Variants in EPHB1 observed in about 807,000 individuals in gnomAD.
EPHB1 encodes the protein ephrin type-B receptor 1.
In EPHB1, 30 loss-of-function variants were observed where a neutral mutation model predicts 94.4. That is an observed-to-expected ratio of 0.32 (90% CI 0.24 to 0.43). The LOEUF is 0.43. Ranked by LOEUF, EPHB1 falls within the 20% of genes least tolerant of loss-of-function variation. The pLI, the probability that EPHB1 is intolerant of heterozygous loss-of-function variation, is 1.00. For missense variants in EPHB1, 1,055 were observed against 1,308.3 expected (o/e 0.81, Z 2.99); for synonymous variants, 522 against 489.1 (o/e 1.07, Z -0.89).
At chr3:135,247,143 TAAA>T (rs1404771500) in intron 13 of EPHB1, among the ~76,000 whole-genome samples, 1 of 152,130 alleles carries the variant, frequency 6.6e-6, no homozygotes, top group African/African-American at 2.4e-5. Context: ...TTATAGAAAA[TAAA>T]AAATTCAAAC....
At chr3:134,943,086 C>T (rs1250992166) in intron 2 of EPHB1, among the ~76,000 whole-genome samples, 1 of 152,174 alleles carries the variant, frequency 6.6e-6, no homozygotes, top group Non-Finnish European at 1.5e-5. Flanking sequence ...AAAGAGAATC[C>T]AGCCCTGCCA....
intron 3 of EPHB1, among the ~76,000 whole-genome samples, chr3:134,961,285 G>A (rs1415937545): frequency 1.3e-5 from 2 of 152,082 alleles, no homozygotes; most frequent in Non-Finnish European, 2.9e-5. Context: ...GGCCACATCC[G>A]GCTAGATAAA....
intron 3 of EPHB1, among the ~76,000 whole-genome samples, chr3:135,035,062 T>C (rs1033947871): frequency 6.6e-6 from 1 of 152,178 alleles, no homozygotes; most frequent in African/African-American, 2.4e-5. Context: ...TGCCAGCTCA[T>C]AGTCATTTCT....
At chr3:135,013,404 T>C (rs886616357) in intron 3 of EPHB1, among the ~76,000 whole-genome samples, 2 of 152,160 alleles carry the variant, frequency 1.3e-5, no homozygotes, top group Non-Finnish European at 1.5e-5. Context: ...AATGAGCAGA[T>C]TGCAGACACT....
At chr3:135,147,134 G>T (rs1941035299) in intron 5 of EPHB1, among the ~76,000 whole-genome samples, 1 of 152,188 alleles carries the variant, frequency 6.6e-6, no homozygotes, top group African/African-American at 2.4e-5. Flanking sequence ...CCTGACAACA[G>T]CCCTTCTTTA....
chr3:134,807,803 T>A (rs1424926040), intron 1 of EPHB1, among the ~76,000 whole-genome samples: 1 of 152,024 alleles, frequency 6.6e-6, no homozygotes, highest in East Asian at 1.9e-4. Flanking sequence ...CTGACAATAG[T>A]GGGAAGCCGA....
At chr3:135,180,096 C>T in intron 10 of EPHB1, 114 bp downstream of exon 10, 3 of 1,219,850 alleles carry the variant, frequency 2.5e-6, no homozygotes, top group East Asian at 2.4e-5. Flanking sequence ...GAGCTTCTAT[C>T]TTCTTTCTCC....
intron 3 of EPHB1, among the ~76,000 whole-genome samples, chr3:135,021,886 T>A (rs977398426): frequency 7.2e-5 from 11 of 152,230 alleles, no homozygotes; most frequent in Non-Finnish European, 1.6e-4. Context: ...TCCTTGTTGA[T>A]CAACTGACAT....
At chr3:134,807,588 T>C (rs1317124524) in intron 1 of EPHB1, among the ~76,000 whole-genome samples, 1 of 151,686 alleles carries the variant, frequency 6.6e-6, no homozygotes, top group African/African-American at 2.4e-5. Flanking sequence ...TTTGGGACTT[T>C]GGTTATGATT....
chr3:135,155,719 G>T (rs555109698), intron 6 of EPHB1, among the ~76,000 whole-genome samples: 1 of 143,730 alleles, frequency 7.0e-6, no homozygotes, highest in African/African-American at 2.8e-5. Context: ...GAACCCAGGA[G>T]GTGGAGGTTG....
chr3:135,077,573 A>G (rs1213064645), intron 3 of EPHB1, among the ~76,000 whole-genome samples: 2 of 152,234 alleles, frequency 1.3e-5, no homozygotes, highest in African/African-American at 2.4e-5. Context: ...AAACCTAGGT[A>G]GGAGGAAGAC....
chr3:134,819,617 C>T (rs766592927), intron 1 of EPHB1, among the ~76,000 whole-genome samples: 1 of 152,208 alleles, frequency 6.6e-6, no homozygotes, highest in Non-Finnish European at 1.5e-5. Context: ...TCTTCTCTCC[C>T]TTCTCAATGC....
intron 12 of EPHB1, among the ~76,000 whole-genome samples, chr3:135,235,640 T>C (rs887092029): frequency 1.2e-4 from 18 of 152,170 alleles, no homozygotes; most frequent in African/African-American, 3.1e-4. Flanking sequence ...GTGATTCCAG[T>C]AGGTAACCAA....
chr3:134,905,295 G>A (rs554995080), intron 1 of EPHB1, among the ~76,000 whole-genome samples: 2 of 152,220 alleles, frequency 1.3e-5, no homozygotes, highest in Non-Finnish European at 2.9e-5. Flanking sequence ...CTCTGAAGCC[G>A]ACATATTTTC....
In EPHB1 at chr3:134,964,813, C is replaced by T. The variant is rs767320955; in HGVS notation, c.805+12761C>T. On this transcript the variant is annotated intron_variant, in intron 3 of 15. Transcript: ENST00000398015. The stretch of plus-strand genomic sequence containing the variant: ...GTCTGTCTTCTCTCTAGACTTGTTT[C>T]GAAAAGAGGGAAAAGAAACATACAT... Among the ~76,000 whole-genome samples, 35 of 152,100 alleles carry T rather than the reference C, an allele frequency of 2.3e-4. 1 individual carries two copies. Among genetic ancestry groups the T allele is most frequent in the African/African-American group, 8.0e-4 (33 of 41,402 alleles).
intron 1 of EPHB1, among the ~76,000 whole-genome samples, chr3:134,907,541 T>C (rs1396982429): frequency 6.6e-6 from 1 of 152,140 alleles, no homozygotes; most frequent in Non-Finnish European, 1.5e-5. Flanking sequence ...GGCACTAAGG[T>C]ACCAGCCAAG....
At chr3:135,181,327 C>T (rs531478702) in intron 10 of EPHB1, among the ~76,000 whole-genome samples, 4 of 152,340 alleles carry the variant, frequency 2.6e-5, no homozygotes, top group African/African-American at 9.6e-5. Context: ...TGAGTTTATG[C>T]ATATTTCCCA....
chr3:135,202,092 C>A (rs1045829202), intron 12 of EPHB1, among the ~76,000 whole-genome samples: 3 of 152,154 alleles, frequency 2.0e-5, no homozygotes, highest in Non-Finnish European at 4.4e-5. Context: ...ACTAGGTAGA[C>A]TCTTGATCCC....
At chr3:135,033,925 C>T (rs948135227) in intron 3 of EPHB1, among the ~76,000 whole-genome samples, 13 of 152,106 alleles carry the variant, frequency 8.5e-5, no homozygotes, top group African/African-American at 2.7e-4. Flanking sequence ...AGCAAAATGC[C>T]GCCTTTTGTA....
Sources: gnomAD v4.1 joint callset for allele counts (sites outside exome capture counted in the v4.1 genomes callset) on GRCh38, gnomAD v4.1.1 for gene constraint, MANE v1.5 for transcripts, NCBI Gene and HGNC (gene_info 2026-07-23, HGNC 2026-07-21) for gene names.